Variants in MACROD2 observed in about 807,000 individuals in gnomAD.
MACROD2 encodes the protein ADP-ribose glycohydrolase MACROD2.
In MACROD2, 36 loss-of-function variants were observed where a neutral mutation model predicts 70.4. The observed-to-expected ratio is 0.51, with a 90% CI of 0.39 to 0.68. The LOEUF (loss-of-function observed/expected upper bound fraction) is 0.68. Ranked by LOEUF, MACROD2 falls within the 30% of genes least tolerant of loss-of-function variation. The probability of loss-of-function intolerance (pLI) is 0.00; values close to 1 mark genes in which losing one functional copy is unlikely to be tolerated. For synonymous variants in MACROD2, 172 were observed against 178.8 expected, an observed-to-expected ratio of 0.96 and a Z score of 0.30; for missense variants, 496 against 538.4, an observed-to-expected ratio of 0.92 and a Z score of 0.78.
intron 5 of MACROD2, among the ~76,000 whole-genome samples, chr20:15,115,818 A>G (rs2075987750): frequency 6.6e-6 from 1 of 152,196 alleles, no homozygotes. Context: ...AGGAAAATAA[A>G]GAGTACAGAA....
chr20:14,596,370 G>A (rs1219247669), intron 4 of MACROD2, among the ~76,000 whole-genome samples: 1 of 149,990 alleles, frequency 6.7e-6, no homozygotes, highest in Non-Finnish European at 1.5e-5. Flanking sequence ...GATTACAGGC[G>A]TGAGCCACCG....
At position 14,976,840 on chromosome 20, in the gene MACROD2, A is replaced by G. The variant is rs375980674; in HGVS notation, c.419-253100A>G. ...ATTCACCTGTGTTATTTGGGGGATTAAGTCAAGGCATGCACAGTGTGGCAA... is the reference window on the plus strand; with the variant it reads ...ATTCACCTGTGTTATTTGGGGGATTGAGTCAAGGCATGCACAGTGTGGCAA... On this transcript the variant is annotated intron_variant, in intron 5 of 17. Coordinates refer to ENST00000684519, the MANE Select transcript of MACROD2 (RefSeq NM_001351661.2). Among the ~76,000 whole-genome samples the G allele has an allele frequency of 1.1e-4, 16 of 152,270 alleles. No homozygotes were observed. In the East Asian group the frequency reaches 2.7e-3, roughly 26 times the overall value.
At chr20:14,861,466 G>A (rs1266561691) in intron 5 of MACROD2, among the ~76,000 whole-genome samples, 2 of 151,998 alleles carry the variant, frequency 1.3e-5, no homozygotes, top group Non-Finnish European at 2.9e-5. Flanking sequence ...GCAAAGCTAG[G>A]AACAAACAGG....
intron 5 of MACROD2, among the ~76,000 whole-genome samples, chr20:14,771,781 A>G (rs1260251830): frequency 6.6e-6 from 1 of 151,700 alleles, no homozygotes; most frequent in African/African-American, 2.4e-5. Flanking sequence ...TATGGTGTAT[A>G]TATGTATGTG....
intron 9 of MACROD2, among the ~76,000 whole-genome samples, chr20:15,876,120 T>TGTA (rs1400960877): frequency 0.02 from 2,948 of 146,068 alleles, 200 homozygotes; most frequent in African/African-American, 0.071. Context: ...TATGTGTGTA[T>TGTA]TTTTTTTATT....
At chr20:15,919,795 G>T (rs1218913255) in intron 10 of MACROD2, among the ~76,000 whole-genome samples, 2 of 152,086 alleles carry the variant, frequency 1.3e-5, no homozygotes, top group Non-Finnish European at 2.9e-5. Flanking sequence ...CACTGTCAGC[G>T]GGTATTGCCC....
At chr20:14,789,403 G>A (rs1014965335) in intron 5 of MACROD2, among the ~76,000 whole-genome samples, 10 of 142,878 alleles carry the variant, frequency 7.0e-5, no homozygotes, top group Admixed American at 3.5e-4. Flanking sequence ...GGCCAAAAAC[G>A]TAACGCCTGG....
chr20:14,550,909 G>T (rs1978610361), intron 4 of MACROD2, among the ~76,000 whole-genome samples: 1 of 150,320 alleles, frequency 6.7e-6, no homozygotes, highest in Non-Finnish European at 1.5e-5. Context: ...GCCTAATGAT[G>T]CTCTGCTTCC....
At chr20:15,776,492 T>C (rs1301322460) in intron 8 of MACROD2, among the ~76,000 whole-genome samples, 2 of 152,216 alleles carry the variant, frequency 1.3e-5, no homozygotes, top group African/African-American at 2.4e-5. Context: ...TGGTGCTGGC[T>C]TCTTCCAGTT....
rs936401411 is a variant in MACROD2, at chr20:14,012,575, A to T, written c.163+10171A>T. On this transcript the variant is annotated intron_variant, in intron 2 of 17. Transcript: ENST00000684519. The stretch of plus-strand genomic sequence containing the variant: ...GGTGAGGGATTGCAGCTGCAGACCT[A>T]AATATCAAGCACTTCAGCTTTTTCT... Among the ~76,000 whole-genome samples the T allele has an allele frequency of 3.3e-5, 5 of 152,212 alleles. No individual in the cohort carries two copies. The South Asian group carries it at 1.0e-3, about 32-fold the overall frequency.
chr20:15,407,281 G>C (rs868223005), intron 6 of MACROD2, among the ~76,000 whole-genome samples: 1 of 152,138 alleles, frequency 6.6e-6, no homozygotes, highest in Non-Finnish European at 1.5e-5. Context: ...GAGTTGGTGG[G>C]TAAACACCCT....
intron 6 of MACROD2, among the ~76,000 whole-genome samples, chr20:15,271,593 C>T (rs963547311): frequency 2.0e-5 from 3 of 152,208 alleles, no homozygotes; most frequent in Non-Finnish European, 4.4e-5. Flanking sequence ...GTATAATGTG[C>T]ATAGCTCTTT....
intron 15 of MACROD2, among the ~76,000 whole-genome samples, chr20:16,015,322 A>G (rs976124996): frequency 4.6e-5 from 7 of 151,572 alleles, no homozygotes; most frequent in Non-Finnish European, 1.0e-4. Context: ...TTTTTTTTCT[A>G]TTTTTTCCAT....
intron 3 of MACROD2, among the ~76,000 whole-genome samples, chr20:14,473,911 C>T (rs949917455): frequency 2.0e-5 from 3 of 152,076 alleles, no homozygotes; most frequent in African/African-American, 7.2e-5. Flanking sequence ...TGATGGTGAG[C>T]ATGTTTTCAT....
chr20:14,233,450 T>C (rs944214569), intron 3 of MACROD2, among the ~76,000 whole-genome samples: 1 of 151,888 alleles, frequency 6.6e-6, no homozygotes. Flanking sequence ...CCCAGCACTT[T>C]GGGAGGCCAA....
chr20:14,946,660 G>A (rs962718276), intron 5 of MACROD2, among the ~76,000 whole-genome samples: 6 of 152,130 alleles, frequency 3.9e-5, no homozygotes, highest in African/African-American at 1.4e-4. Flanking sequence ...TGTAAGGTCA[G>A]CATCTGTTGA....
chr20:14,183,665 G>A (rs566650280), intron 3 of MACROD2, among the ~76,000 whole-genome samples: 1 of 152,178 alleles, frequency 6.6e-6, no homozygotes, highest in Non-Finnish European at 1.5e-5. Context: ...CAGTGTATAA[G>A]CATTCCTTTT....
chr20:14,097,787 C>T (rs1213676674), intron 3 of MACROD2, among the ~76,000 whole-genome samples: 1 of 152,094 alleles, frequency 6.6e-6, no homozygotes, highest in Non-Finnish European at 1.5e-5. Flanking sequence ...CAAGTCTAAA[C>T]ATGAAATTCA....
At chr20:14,896,310 T>C (rs934260607) in intron 5 of MACROD2, among the ~76,000 whole-genome samples, 1 of 151,852 alleles carries the variant, frequency 6.6e-6, no homozygotes. Context: ...AATAAATAAA[T>C]AAAATTAAAA....
Sources: allele counts gnomAD v4.1 joint callset (sites outside exome capture counted in the v4.1 genomes callset), GRCh38; gene constraint gnomAD v4.1.1; transcripts MANE v1.5; gene names NCBI Gene and HGNC (gene_info 2026-07-23, HGNC 2026-07-21).